The following RNASEL variants were observed in gnomAD, a reference collection of about 807,000 sequenced individuals.
The protein encoded by RNASEL is 2-5A-dependent ribonuclease.
In RNASEL, 36 loss-of-function variants were observed where a neutral mutation model predicts 50.9. The observed-to-expected ratio is 0.71, with a 90% CI of 0.54 to 0.93. The LOEUF (loss-of-function observed/expected upper bound fraction) is 0.93, where lower values mean the gene tolerates loss of function less well. Ranked by LOEUF, RNASEL falls within the 40% of genes least tolerant of loss-of-function variation. The probability of loss-of-function intolerance (pLI) is 0.00; values close to 1 mark genes in which losing one functional copy is unlikely to be tolerated. For synonymous variants in RNASEL, 335 were observed against 335.6 expected (o/e 1.00, Z 0.02); for missense variants, 860 against 894.5 (o/e 0.96, Z 0.49).
rs527424785 is a variant in RNASEL, at chr1:182,581,543, G to A, written c.1773-186C>T. 7.8e-4 allele frequency among the ~76,000 whole-genome samples: 104 copies of A among 133,262 alleles called. 2 individuals carry two copies. In the South Asian group the frequency reaches 0.025, roughly 32 times the overall value. The allele number at this position is 133,262 out of a possible 152,430, so 87.4% of individuals were successfully genotyped here. A position where few individuals can be genotyped will look rare whatever the true frequency, so the allele number is the denominator to read the frequency against. On this transcript the variant is annotated intron_variant, in intron 4 of 6. Transcript: ENST00000367559. The stretch of plus-strand genomic sequence containing the variant: ...GTCCCCCAAGCTGGAGTGCAGTAGC[G>A]CAATCTTGGCTCACTGCAACCTCCA...
intron 5 of RNASEL, among the ~76,000 whole-genome samples, chr1:182,577,883 A>G (rs1314550841): frequency 6.6e-6 from 1 of 152,212 alleles, no homozygotes. Context: ...ATACACTGGG[A>G]AAAAGACACC....
At chr1:182,581,757 GGCGTGAGCCACCGC>G (rs1404166572) in intron 4 of RNASEL, among the ~76,000 whole-genome samples, 2 of 152,014 alleles carry the variant, frequency 1.3e-5, no homozygotes, top group Non-Finnish European at 2.9e-5. Flanking sequence ...TGGGATTACA[GGCGTGAGCCACCGC>G]GCCTGGCTAG....
intron 1 of RNASEL, among the ~76,000 whole-genome samples, chr1:182,588,914 C>G (rs1020005152): frequency 2.6e-5 from 4 of 152,192 alleles, no homozygotes; most frequent in African/African-American, 9.7e-5. Flanking sequence ...TTCAATTTCA[C>G]TTTCTCTGTG....
chr1:182,586,533 C>T lies in RNASEL; in HGVS notation c.274G>A (p.Gly92Arg), dbSNP rs1398377410. Reference sequence around the variant, plus strand: ...GCTGCGAGGATAAAAGGCGTGGCCCCATTCTTCTTCCTCAGAACAGGGTCA... The same window carrying T: ...GCTGCGAGGATAAAAGGCGTGGCCCTATTCTTCTTCCTCAGAACAGGGTCA... The part of the protein sequence containing the change: ...GADPVLRKKN[G>R]ATPFILAAIA... Residue 92 changes from glycine (G) to arginine (R), a missense_variant, in exon 2 of 7, where the codon GGG becomes AGG. Physicochemically the swap from Gly to Arg is moderately radical, Grantham distance 125. Coordinates refer to ENST00000367559, the MANE Select transcript of RNASEL (RefSeq NM_021133.4). The T allele has an allele frequency of 2.5e-6, 4 of 1,609,048 alleles. No individual in the cohort carries two copies. Among genetic ancestry groups the T allele is most frequent in the Non-Finnish European group, 3.4e-6 (4 of 1,176,564 alleles).
At chr1:182,575,866 G>A (rs140651703) in intron 6 of RNASEL, among the ~76,000 whole-genome samples, 7 of 152,328 alleles carry the variant, frequency 4.6e-5, no homozygotes, top group Non-Finnish European at 1.0e-4. Context: ...GAACTGCAAG[G>A]CTTTTTTGTG....
rs138685180 is a variant in RNASEL, at chr1:182,586,136, A to G, written c.671T>C (p.Leu224Pro). 4 of 1,614,072 alleles carry G rather than the reference A, an allele frequency of 2.5e-6. No homozygotes were observed. The African/African-American group carries it at 5.3e-5, about 22-fold the overall frequency. Reference protein sequence around the residue: ...DDSDVEAITHLLLDHGADVNV... With the variant: ...DDSDVEAITHPLLDHGADVNV... ...GACATCAGCCCCATGGTCCAGCAGC[A>G]GATGCGTAATAGCCTCCACATCACT... Residue 224 changes from leucine (L) to proline (P), a missense_variant, in exon 2 of 7, where the codon CTG (leucine) becomes CCG (proline). By Grantham distance (98) the Leu-to-Pro change is moderately conservative. Coordinates refer to ENST00000367559, the MANE Select transcript of RNASEL (RefSeq NM_021133.4).
chr1:182,580,338 G>A (rs1661467380), intron 5 of RNASEL, among the ~76,000 whole-genome samples: 1 of 152,222 alleles, frequency 6.6e-6, no homozygotes, highest in South Asian at 2.1e-4. Flanking sequence ...TGAGTGTGAT[G>A]TGCAGTCTAG....
Position 182,585,943 on chromosome 1 carries a change from G to A in RNASEL, c.864C>T (p.Ile288=), listed in dbSNP as rs1379957926. The A allele has an allele frequency of 9.3e-6, 15 of 1,614,116 alleles. No homozygotes were observed. The highest frequency in any genetic ancestry group is 1.2e-5 in the Non-Finnish European group (14 of 1,180,024). ...LLAVELKLKK[I]AELLCKRGAS... ...CTCCACGTTTGCACAGCAACTCGGC[G>A]ATTTTCTTCAGTTTGAGTTCAACAG... The change falls in exon 2 of 7, where the codon ATC becomes ATT. Residue 288 remains isoleucine (I), a synonymous_variant. Transcript: ENST00000367559.
chr1:182,581,723 A>G (rs1000377925), intron 4 of RNASEL, among the ~76,000 whole-genome samples: 1 of 150,132 alleles, frequency 6.7e-6, no homozygotes, highest in Admixed American at 6.6e-5. Flanking sequence ...CTCATGATCC[A>G]CCCGCCTCGG....
rs1230437177 is a variant in RNASEL, at chr1:182,575,291, C to G, written c.*101G>C. ...TGACATATCAGCTATGCAACTCATC[C>G]CTCACAAGCAACCTGGTGAGTTAAA... On this transcript the variant is annotated 3_prime_UTR_variant, in exon 7 of 7. Transcript: ENST00000367559. 1 of 1,160,202 alleles carries G rather than the reference C, an allele frequency of 8.6e-7. No individual in the cohort carries two copies. The highest frequency in any genetic ancestry group is 1.3e-6 in the Non-Finnish European group (1 of 769,246). The allele number at this position is 1,160,202 out of a possible 1,614,324, so 71.9% of individuals were successfully genotyped here.
intron 5 of RNASEL, among the ~76,000 whole-genome samples, chr1:182,580,929 GC>G (rs1428547321): frequency 6.6e-6 from 1 of 151,740 alleles, no homozygotes; most frequent in Non-Finnish European, 1.5e-5. Flanking sequence ...AGGATTATCA[GC>G]TAAGTGAGGG....
rs753041429 is a variant in RNASEL at position 182,574,287 on chromosome 1, T to C, written c.*1105A>G. The C allele has an allele frequency of 1.3e-5, 3 of 225,948 alleles. No homozygotes were observed. The highest frequency in any genetic ancestry group is 2.2e-5 in the African/African-American group (1 of 44,876). 14.0% of individuals were successfully genotyped at this position (225,948 alleles called of 1,614,324 possible). On this transcript the variant is annotated 3_prime_UTR_variant, in exon 7 of 7. Coordinates refer to ENST00000367559, the MANE Select transcript of RNASEL (RefSeq NM_021133.4). The stretch of plus-strand genomic sequence containing the variant: ...CGCCCGTGAGGAGCCTACATTCCAG[T>C]GGAGGAACCAAAACTAAAAGGCGGA...
chr1:182,580,437 A>C (rs1316910021), intron 5 of RNASEL, among the ~76,000 whole-genome samples: 1 of 152,184 alleles, frequency 6.6e-6, no homozygotes, highest in African/African-American at 2.4e-5. Context: ...GGTTTCCAAG[A>C]CCTGAAGATT....
At chr1:182,579,863 A>G in intron 5 of RNASEL, 1 of 555,956 alleles carries the variant, frequency 1.8e-6, no homozygotes, top group South Asian at 1.5e-5. Flanking sequence ...GAGTTGGTAG[A>G]CTTGATGCCA....
chr1:182,581,726 C>T (rs965442441), intron 4 of RNASEL, among the ~76,000 whole-genome samples: 3 of 151,890 alleles, frequency 2.0e-5, no homozygotes, highest in Admixed American at 6.6e-5. Flanking sequence ...ATGATCCACC[C>T]GCCTCGGCCT....
At chr1:182,588,279 G>A (rs1661637039) in intron 1 of RNASEL, among the ~76,000 whole-genome samples, 1 of 152,144 alleles carries the variant, frequency 6.6e-6, no homozygotes, top group South Asian at 2.1e-4. Context: ...TGTAACCTTG[G>A]ATTGTTGAAT....
chr1:182,586,574 A>G lies in RNASEL; in HGVS notation c.233T>C (p.Leu78Pro), dbSNP rs199717324. The G allele has an allele frequency of 1.9e-5, 31 of 1,604,766 alleles. No homozygotes were observed. The East Asian group carries it at 6.9e-4, about 36-fold the overall frequency. ...AACAGGGTCAGCACCATGACGAAGC[A>G]GAAGTTCCACAATGTCCTCCCTGCT... is the stretch of plus-strand genomic sequence containing the variant. ...QMSREDIVEL[L>P]LRHGADPVLR... is the part of the protein sequence containing the mutation. The change falls in exon 2 of 7, where the codon CTG becomes CCG. Residue 78 changes from leucine (L) to proline (P), a missense_variant. Physicochemically the swap from Leu to Pro is moderately conservative, Grantham distance 98. Coordinates refer to ENST00000367559, the MANE Select transcript of RNASEL (RefSeq NM_021133.4).
rs771749891 is a variant in RNASEL at position 182,581,308 on chromosome 1, G to T, written c.1822C>A (p.Arg608=). 1.2e-6 allele frequency: 2 copies of T among 1,613,938 alleles called. No individual in the cohort carries two copies. The highest frequency in any genetic ancestry group is 1.7e-5 in the Admixed American group (1 of 59,988). Residue 608 remains arginine, a synonymous_variant, in exon 5 of 7, where the codon CGA becomes AGA. Transcript: ENST00000367559. Reference sequence around the variant, plus strand: ...CTGAGGATCTCACTTTCAGATTTTCGTGTTTTGATGTCGGATTCATTTCCC... The same window carrying T: ...CTGAGGATCTCACTTTCAGATTTTCTTGTTTTGATGTCGGATTCATTTCCC... ...NVGNESDIKT[R]KSESEILRLL...
chr1:182,581,100 G>A, intron 5 of RNASEL, 125 bp downstream of exon 5: 1 of 1,437,862 alleles, frequency 7.0e-7, no homozygotes, highest in Non-Finnish European at 9.8e-7. Context: ...GAGGGCAGGA[G>A]GCAAAATCAC....
Sources: allele counts gnomAD v4.1 joint callset (sites outside exome capture counted in the v4.1 genomes callset), GRCh38; gene constraint gnomAD v4.1.1; transcripts MANE v1.5; gene names NCBI Gene and HGNC (gene_info 2026-07-23, HGNC 2026-07-21).